The following TMPRSS15 variants were observed in gnomAD, a reference collection of about 807,000 sequenced individuals.
TMPRSS15 encodes transmembrane serine protease 15, also known as enteropeptidase.
TMPRSS15 carries 128 observed loss-of-function variants against 125.3 expected under a neutral mutation model. That is an observed-to-expected ratio of 1.02 (90% CI 0.89 to 1.18). The LOEUF (loss-of-function observed/expected upper bound fraction) is 1.18, where lower values mean the gene tolerates loss of function less well. Among genes scored for constraint, TMPRSS15 ranks in the 50% most tolerant of loss-of-function variants. TMPRSS15 has a pLI of 0.00. For synonymous variants in TMPRSS15, 446 were observed against 423.2 expected (o/e 1.05, Z -0.66); for missense variants, 1,283 against 1,212.7 (o/e 1.06, Z -0.86).
At chr21:18,396,808 G>GTCTGTCTATCTATCTATCTA (rs1461927983) in intron 3 of TMPRSS15, among the ~76,000 whole-genome samples, 44 of 107,828 alleles carry the variant, frequency 4.1e-4, no homozygotes, top group East Asian at 1.2e-3. Flanking sequence ...CTGTCTGTCT[G>GTCTGTCTATCTATCTATCTA]TCTATCTATC....
At chr21:18,485,203 G>A (rs145770729) in intron 1 of TMPRSS15, among the ~76,000 whole-genome samples, 148 of 151,570 alleles carry the variant, frequency 9.8e-4, no homozygotes, top group African/African-American at 3.2e-3. Flanking sequence ...TTACATATTT[G>A]CTTGTATCCA....
intron 1 of TMPRSS15, among the ~76,000 whole-genome samples, chr21:18,430,923 GC>G (rs2076215425): frequency 6.6e-6 from 1 of 152,070 alleles, no homozygotes; most frequent in Non-Finnish European, 1.5e-5. Context: ...AAATTATACA[GC>G]TTTTGTGACA....
chr21:18,326,614 T>A (rs775724255), intron 15 of TMPRSS15, 42 bp from the exon 16 acceptor site: 1 of 1,613,268 alleles, frequency 6.2e-7, no homozygotes, highest in Non-Finnish European at 8.5e-7. Context: ...GATGATCCTT[T>A]GGATCTAGAA....
At chr21:18,312,840 C>G in intron 18 of TMPRSS15, 105 bp downstream of exon 18, 1 of 1,435,556 alleles carries the variant, frequency 7.0e-7, no homozygotes. Context: ...TGTGTATTTT[C>G]TAAATTCATA....
chr21:18,394,046 C>T (rs1260790815), intron 3 of TMPRSS15, among the ~76,000 whole-genome samples: 1 of 152,102 alleles, frequency 6.6e-6, no homozygotes, highest in Non-Finnish European at 1.5e-5. Context: ...ATTTATTTAA[C>T]TCTATGTTGA....
At chr21:18,360,819 T>C (rs929386720) in intron 7 of TMPRSS15, among the ~76,000 whole-genome samples, 10 of 152,094 alleles carry the variant, frequency 6.6e-5, no homozygotes, top group Non-Finnish European at 1.2e-4. Context: ...GTAAAAAACC[T>C]CCATTGGTAT....
intron 1 of TMPRSS15, among the ~76,000 whole-genome samples, chr21:18,485,639 T>C (rs775304985): frequency 2.0e-5 from 3 of 152,088 alleles, no homozygotes; most frequent in Non-Finnish European, 4.4e-5. Context: ...GTGAATAATA[T>C]TGACTTATGA....
intron 24 of TMPRSS15, 141 bp from the exon 25 acceptor site, chr21:18,270,265 C>T: frequency 1.5e-6 from 1 of 660,340 alleles, no homozygotes; most frequent in Non-Finnish European, 2.4e-6. Context: ...TATATATTCT[C>T]ACTTTCACTC....
intron 13 of TMPRSS15, among the ~76,000 whole-genome samples, chr21:18,337,090 C>T (rs549320199): frequency 2.2e-4 from 34 of 152,178 alleles, no homozygotes; most frequent in East Asian, 3.9e-4. Context: ...GACAGGGTTT[C>T]GCCATGTTGG....
intron 1 of TMPRSS15, among the ~76,000 whole-genome samples, chr21:18,419,749 C>T (rs1409616958): frequency 6.6e-6 from 1 of 152,144 alleles, no homozygotes; most frequent in African/African-American, 2.4e-5. Flanking sequence ...CATCTGTAGT[C>T]GTTCCTGTAG....
At chr21:18,317,716 G>A (rs2075182182) in intron 16 of TMPRSS15, among the ~76,000 whole-genome samples, 1 of 151,886 alleles carries the variant, frequency 6.6e-6, no homozygotes, top group Non-Finnish European at 1.5e-5. Context: ...GTGTGTGTGT[G>A]TAACTAAATT....
chr21:18,483,103 C>T (rs1027372063), intron 1 of TMPRSS15, among the ~76,000 whole-genome samples: 3 of 151,778 alleles, frequency 2.0e-5, no homozygotes, highest in Non-Finnish European at 4.4e-5. Flanking sequence ...AGTTTTACCT[C>T]ACTAGAATTG....
At chr21:18,310,167 A>G (rs1459889370) in intron 18 of TMPRSS15, among the ~76,000 whole-genome samples, 1 of 152,056 alleles carries the variant, frequency 6.6e-6, no homozygotes, top group Admixed American at 6.6e-5. Flanking sequence ...AAAGATACCT[A>G]CTCTCACCAC....
At chr21:18,415,602 G>T (rs2076177942) in intron 1 of TMPRSS15, among the ~76,000 whole-genome samples, 1 of 152,082 alleles carries the variant, frequency 6.6e-6, no homozygotes, top group South Asian at 2.1e-4. Flanking sequence ...ACTTTTTGAA[G>T]AAATTATACT....
At chr21:18,350,822 A>G (rs906901968) in intron 10 of TMPRSS15, among the ~76,000 whole-genome samples, 2 of 151,840 alleles carry the variant, frequency 1.3e-5, no homozygotes, top group Non-Finnish European at 2.9e-5. Flanking sequence ...ATGAGAGCAG[A>G]AAATTTGGTT....
At chr21:18,457,926 G>C (rs959639218) in intron 1 of TMPRSS15, among the ~76,000 whole-genome samples, 42 of 152,086 alleles carry the variant, frequency 2.8e-4, no homozygotes, top group African/African-American at 1.0e-3. Flanking sequence ...AGAAACTTTT[G>C]AGTATAATTC....
chr21:18,376,539 C>T (rs2075845720), intron 5 of TMPRSS15, among the ~76,000 whole-genome samples: 1 of 152,104 alleles, frequency 6.6e-6, no homozygotes, highest in Non-Finnish European at 1.5e-5. Context: ...CAAACTCTTT[C>T]ACATAGTGGA....
chr21:18,384,296 G>T (rs1339848785), intron 3 of TMPRSS15, among the ~76,000 whole-genome samples: 4 of 152,116 alleles, frequency 2.6e-5, no homozygotes, highest in East Asian at 3.9e-4. Flanking sequence ...TCTCTATTTT[G>T]CTTAATATAA....
At chr21:18,356,910 C>A (rs1162573515) in intron 8 of TMPRSS15, among the ~76,000 whole-genome samples, 1 of 151,810 alleles carries the variant, frequency 6.6e-6, no homozygotes, top group African/African-American at 2.4e-5. Context: ...CATGGCCTTA[C>A]ACAATGTTAA....
Sources: allele counts gnomAD v4.1 joint callset (sites outside exome capture counted in the v4.1 genomes callset), GRCh38; gene constraint gnomAD v4.1.1; transcripts MANE v1.5; gene names NCBI Gene and HGNC (gene_info 2026-07-23, HGNC 2026-07-21).